The following GTF2IRD1 variants were observed in gnomAD, a reference collection of about 807,000 sequenced individuals.
GTF2IRD1 encodes the protein general transcription factor II-I repeat domain-containing protein 1.
Under a neutral mutation model 113.2 loss-of-function variants are expected in GTF2IRD1, and 26 were observed. The observed-to-expected ratio is 0.23, with a 90% confidence interval of 0.17 to 0.32. GTF2IRD1 has a LOEUF of 0.32. Among genes scored for constraint, GTF2IRD1 ranks in the 10% least tolerant of loss-of-function variants. The pLI, the probability that GTF2IRD1 is intolerant of heterozygous loss-of-function variation, is 1.00. For synonymous variants in GTF2IRD1, 484 were observed against 529.1 expected (o/e 0.91, Z 1.17); for missense variants, 864 against 1,280.8 (o/e 0.67, Z 4.97).
At chr7:74,546,762 G>GA (rs1798968363) in intron 16 of GTF2IRD1, among the ~76,000 whole-genome samples, 1 of 152,206 alleles carries the variant, frequency 6.6e-6, no homozygotes, top group Non-Finnish European at 1.5e-5. Flanking sequence ...GTGGACTCGG[G>GA]GAAGCAATGC....
intron 1 of GTF2IRD1, among the ~76,000 whole-genome samples, chr7:74,469,235 A>C (rs186594808): frequency 6.6e-6 from 1 of 152,094 alleles, no homozygotes; most frequent in African/African-American, 2.4e-5. Flanking sequence ...ATGTCTCCAG[A>C]GACTTGATTC....
rs2355322 is a variant in GTF2IRD1, at chr7:74,490,547, C to A, written c.-6-17528C>A. Reference sequence around the variant, plus strand: ...GGCTGCTGGGGAGAAAGGATACCCCCCCCCCCGCCCGCCTTCCAGAAGGGG... The same window carrying A: ...GGCTGCTGGGGAGAAAGGATACCCCACCCCCCGCCCGCCTTCCAGAAGGGG... On this transcript the variant is annotated intron_variant, in intron 1 of 26. Transcript: ENST00000424337. 1.3e-4 allele frequency among the ~76,000 whole-genome samples: 20 copies of A among 151,400 alleles called. No homozygotes were observed. In the East Asian group the frequency reaches 2.9e-3, roughly 22 times the overall value.
At chr7:74,463,997 T>G (rs1584451224) in intron 1 of GTF2IRD1, among the ~76,000 whole-genome samples, 1 of 152,250 alleles carries the variant, frequency 6.6e-6, no homozygotes, top group East Asian at 1.9e-4. Flanking sequence ...GTGCTGGAAT[T>G]ACAGGTGTGA....
chr7:74,546,995 T>C, intron 16 of GTF2IRD1, 108 bp from the exon 17 acceptor site: 1 of 1,012,574 alleles, frequency 9.9e-7, no homozygotes, highest in Non-Finnish European at 1.5e-6. Flanking sequence ...TGGCAGGCCC[T>C]CAAAAGGGCT....
chr7:74,468,632 C>G (rs1311913215), intron 1 of GTF2IRD1, among the ~76,000 whole-genome samples: 1 of 147,184 alleles, frequency 6.8e-6, no homozygotes, highest in Non-Finnish European at 1.5e-5. Flanking sequence ...GCACTCCAGC[C>G]TGGCGACAGA....
Position 74,519,517 on chromosome 7 carries a change from G to A in GTF2IRD1, c.714G>A (p.Lys238=), listed in dbSNP as rs1277507248. 2.5e-6 allele frequency: 4 copies of A among 1,611,112 alleles called. No homozygotes were observed. Among genetic ancestry groups the A allele is most frequent in the Non-Finnish European group, 3.4e-6 (4 of 1,178,866 alleles). ...GTGGCCTGCATGGCCAGGCCCCCAA[G>A]GTGCCACCCCAGGACCTGCCCCCAA... ...RDCGLHGQAP[K]VPPQDLPPTA... Residue 238 remains lysine, a synonymous_variant, in exon 6 of 27, where the codon AAG becomes AAA. Coordinates refer to ENST00000424337, the MANE Select transcript of GTF2IRD1 (RefSeq NM_005685.4).
At chr7:74,570,984 C>G in intron 22 of GTF2IRD1, 1 of 481,938 alleles carries the variant, frequency 2.1e-6, no homozygotes, top group Non-Finnish European at 2.7e-6. Context: ...CCCTTTTGGG[C>G]AAACACGAGG....
intron 16 of GTF2IRD1, 52 bp downstream of exon 16, chr7:74,545,861 G>T (rs781871080): frequency 7.3e-7 from 1 of 1,365,144 alleles, no homozygotes; most frequent in African/African-American, 1.4e-5. Flanking sequence ...CCCTCCAGCC[G>T]CCCTGTTTGC....
chr7:74,485,622 A>G (rs1158058966), intron 1 of GTF2IRD1, among the ~76,000 whole-genome samples: 1 of 147,696 alleles, frequency 6.8e-6, no homozygotes, highest in Non-Finnish European at 1.5e-5. Context: ...ATCTCAAAGA[A>G]AAAAAAAAAA....
intron 1 of GTF2IRD1, among the ~76,000 whole-genome samples, chr7:74,456,289 C>T (rs1400684791): frequency 2.0e-5 from 3 of 152,164 alleles, no homozygotes; most frequent in African/African-American, 4.8e-5. Context: ...GGGACATTCA[C>T]GTCCTAAGCA....
intron 19 of GTF2IRD1, among the ~76,000 whole-genome samples, chr7:74,556,347 T>C (rs1250644832): frequency 6.6e-6 from 1 of 151,364 alleles, no homozygotes; most frequent in Non-Finnish European, 1.5e-5. Context: ...TTGGATGGAG[T>C]TTTACTCTTG....
chr7:74,581,343 A>C (rs1250045953), intron 22 of GTF2IRD1, among the ~76,000 whole-genome samples: 1 of 152,182 alleles, frequency 6.6e-6, no homozygotes, highest in Non-Finnish European at 1.5e-5. Context: ...TTTACAGATG[A>C]GGACATCGAG....
chr7:74,540,301 C>G (rs1357738428), intron 14 of GTF2IRD1, among the ~76,000 whole-genome samples: 1 of 152,174 alleles, frequency 6.6e-6, no homozygotes, highest in East Asian at 1.9e-4. Flanking sequence ...CATGTGCCAC[C>G]ATGCCTAGCT....
intron 1 of GTF2IRD1, among the ~76,000 whole-genome samples, chr7:74,457,564 G>T (rs1279517956): frequency 2.6e-5 from 4 of 151,984 alleles, no homozygotes; most frequent in Non-Finnish European, 4.4e-5. Context: ...ACTTCCTGGG[G>T]CCCCCTCTCT....
In GTF2IRD1 at chr7:74,547,207, C is replaced by T. The variant is rs781962504; in HGVS notation, c.1837C>T (p.Arg613Cys). The change falls in exon 17 of 27, where the codon CGC (arginine) becomes TGC (cysteine). Residue 613 changes from arginine to cysteine, a missense_variant. This residue lies in a region of GTF2IRD1 where 195 missense variants were observed against 359.1 expected (regional missense o/e 0.54). Coordinates refer to ENST00000424337, the MANE Select transcript of GTF2IRD1 (RefSeq NM_005685.4). ...GGGACTGCCTGAAGGCATCTCCCTC[C>T]GCAGGCCCAACTGCTTCGGGATCGC... ...VVGLPEGISLRRPNCFGIAKL... is the reference protein window; with the variant it reads ...VVGLPEGISLCRPNCFGIAKL... The T allele has an allele frequency of 7.4e-6, 12 of 1,613,656 alleles. No individual in the cohort carries two copies. The highest frequency in any genetic ancestry group is 2.2e-5 in the East Asian group (1 of 44,876).
rs148146254 is a variant in GTF2IRD1, at chr7:74,495,778, C to T, written c.-6-12297C>T. Among the ~76,000 whole-genome samples, 331 of 152,274 alleles carry T rather than the reference C, an allele frequency of 2.2e-3. 1 individual carries two copies. The highest frequency in any genetic ancestry group is 7.5e-3 in the African/African-American group (312 of 41,556). On this transcript the variant is annotated intron_variant, in intron 1 of 26. Transcript: ENST00000424337. The stretch of plus-strand genomic sequence containing the variant: ...GGCACAGCAGGTGCAAAGGCCTGAG[C>T]GAGAGTGCAAGGCCCACCCAGGGGC...
chr7:74,537,745 C>T (rs1798384197), intron 11 of GTF2IRD1, among the ~76,000 whole-genome samples: 3 of 152,178 alleles, frequency 2.0e-5, no homozygotes, highest in Admixed American at 1.3e-4. Context: ...CTTCATTCCC[C>T]AGCCCCTTCC....
intron 6 of GTF2IRD1, 72 bp downstream of exon 6, chr7:74,519,791 A>G: frequency 1.8e-6 from 2 of 1,123,404 alleles, no homozygotes; most frequent in Non-Finnish European, 2.6e-6. Flanking sequence ...ACAGCCTCCC[A>G]GGGCAGGTCA....
intron 14 of GTF2IRD1, among the ~76,000 whole-genome samples, chr7:74,540,984 G>A (rs190379908): frequency 6.6e-6 from 1 of 151,156 alleles, no homozygotes; most frequent in East Asian, 2.0e-4. Flanking sequence ...GGCAGGTCTC[G>A]AACTCCTGAC....
Sources: allele counts gnomAD v4.1 joint callset (sites outside exome capture counted in the v4.1 genomes callset), GRCh38; gene constraint gnomAD v4.1.1; regional missense constraint gnomAD v4.1.1; transcripts MANE v1.5; gene names NCBI Gene and HGNC (gene_info 2026-07-23, HGNC 2026-07-21).